The following GRK5 variants were observed in gnomAD, a reference collection of about 807,000 sequenced individuals.
GRK5 encodes g protein-coupled receptor kinase GRK5.
GRK5 carries 40 observed loss-of-function variants against 78.4 expected under a neutral mutation model. That is an observed-to-expected ratio of 0.51 (90% CI 0.40 to 0.66). The LOEUF (loss-of-function observed/expected upper bound fraction) is 0.66, where lower values mean the gene tolerates loss of function less well. Ranked by LOEUF, GRK5 falls within the 30% of genes least tolerant of loss-of-function variation. The pLI is 0.00. For missense variants in GRK5, 598 were observed against 759.9 expected, an observed-to-expected ratio of 0.79 and a Z score of 2.50; for synonymous variants, 289 against 296.8, an observed-to-expected ratio of 0.97 and a Z score of 0.27.
intron 4 of GRK5, among the ~76,000 whole-genome samples, chr10:119,400,314 C>A (rs1168249228): frequency 6.6e-6 from 1 of 152,156 alleles, no homozygotes; most frequent in Non-Finnish European, 1.5e-5. Context: ...TGAATCAGAT[C>A]TTAAAGGATG....
intron 1 of GRK5, among the ~76,000 whole-genome samples, chr10:119,297,554 A>C (rs764271348): frequency 6.6e-5 from 10 of 152,248 alleles, no homozygotes; most frequent in Admixed American, 2.6e-4. Flanking sequence ...GAACTGGTTA[A>C]GAGGTGATTA....
At position 119,453,586 on chromosome 10, in the gene GRK5, G is replaced by T. The variant is rs533337851; in HGVS notation, c.1674+310G>T. On this transcript the variant is annotated intron_variant, in intron 15 of 15. Transcript: ENST00000392870. ...CGTCCTGTGCATCGCAAGATGTGGG[G>T]CAGCAAGTTTGGCCTCCACCCACCA... Among the ~76,000 whole-genome samples, 6 of 152,282 alleles carry T rather than the reference G, an allele frequency of 3.9e-5. No individual in the cohort carries two copies. In the East Asian group the frequency reaches 1.2e-3, roughly 29 times the overall value.
intron 2 of GRK5, among the ~76,000 whole-genome samples, chr10:119,345,535 C>T (rs1204374464): frequency 6.6e-6 from 1 of 152,144 alleles, no homozygotes; most frequent in Non-Finnish European, 1.5e-5. Context: ...CTTCTTTGGT[C>T]CTCTGTTTCT....
rs140601659 is a variant in GRK5 at position 119,294,012 on chromosome 10, G to C, written c.53-32504G>C. 1.1e-3 allele frequency among the ~76,000 whole-genome samples: 167 copies of C among 152,174 alleles called. 2 individuals carry two copies. The highest frequency in any genetic ancestry group is 3.6e-3 in the African/African-American group (149 of 41,502). ...ACCCCCACCTCTGCTTTGTGGAGTT[G>C]GGGAAAAACAGAGACCCAGGAGCTG... is the stretch of plus-strand genomic sequence containing the variant. On this transcript the variant is annotated intron_variant, in intron 1 of 15. Coordinates refer to ENST00000392870, the MANE Select transcript of GRK5 (RefSeq NM_005308.3).
intron 4 of GRK5, among the ~76,000 whole-genome samples, chr10:119,410,717 AGTGAATTC>A (rs1281206973): frequency 6.6e-6 from 1 of 152,072 alleles, no homozygotes; most frequent in African/African-American, 2.4e-5. Flanking sequence ...CATTAGGAAA[AGTGAATTC>A]ATCCAGAGCT....
In GRK5 at chr10:119,253,332, T is replaced by A. The variant is rs930428028; in HGVS notation, c.52+45363T>A. On this transcript the variant is annotated intron_variant, in intron 1 of 15. Coordinates refer to ENST00000392870, the MANE Select transcript of GRK5 (RefSeq NM_005308.3). The surrounding 1 kb of genome is among the most constrained non-coding windows in gnomAD (Gnocchi z 5.7). ...GCATTAGAAAAGGAATTACATCAGG[T>A]CACTGATGTCTTCTCCTAACTCAGT... Among the ~76,000 whole-genome samples, 4 of 152,120 alleles carry A rather than the reference T, an allele frequency of 2.6e-5. No homozygotes were observed. Among genetic ancestry groups the A allele is most frequent in the African/African-American group, 9.7e-5 (4 of 41,410 alleles).
intron 1 of GRK5, among the ~76,000 whole-genome samples, chr10:119,219,524 G>A (rs1411585909): frequency 6.6e-6 from 1 of 152,204 alleles, no homozygotes; most frequent in Non-Finnish European, 1.5e-5. Flanking sequence ...CTGTATTTAT[G>A]TTATGTGATG....
chr10:119,365,535 T>G (rs542951930), intron 2 of GRK5, among the ~76,000 whole-genome samples: 1 of 152,248 alleles, frequency 6.6e-6, no homozygotes, highest in African/African-American at 2.4e-5. Context: ...CAGGCTTGGG[T>G]GGGACCCTTC....
intron 1 of GRK5, among the ~76,000 whole-genome samples, chr10:119,228,334 T>C (rs995134046): frequency 2.8e-5 from 4 of 141,242 alleles, no homozygotes; most frequent in African/African-American, 8.0e-5. Context: ...GACAAAGTGA[T>C]ACCCTGTCTC....
intron 1 of GRK5, among the ~76,000 whole-genome samples, chr10:119,301,580 C>T (rs1314345466): frequency 6.6e-6 from 1 of 152,170 alleles, no homozygotes; most frequent in Non-Finnish European, 1.5e-5. Context: ...CATCCGATGG[C>T]TGCTGAGGAA....
rs1851700446 is a variant in GRK5 at position 119,380,935 on chromosome 10, C to T, written c.261+8C>T. 6.4e-7 allele frequency: 1 copy of T among 1,556,384 alleles called. No individual in the cohort carries two copies. Among genetic ancestry groups the T allele is most frequent in the Non-Finnish European group, 8.9e-7 (1 of 1,127,900 alleles). On this transcript the variant is annotated splice_region_variant and intron_variant, in intron 3 of 15. Coordinates refer to ENST00000392870, the MANE Select transcript of GRK5 (RefSeq NM_005308.3). ...CAGTTCCTGGACTCCGTGGTAAGTT[C>T]CTGCTCCTGAGGGATGGTCCTGTGG...
chr10:119,214,849 A>G (rs1848545429), intron 1 of GRK5, among the ~76,000 whole-genome samples: 1 of 152,236 alleles, frequency 6.6e-6, no homozygotes, highest in Admixed American at 6.5e-5. Flanking sequence ...GTCTGTTCCT[A>G]GAAATGGAAA....
intron 2 of GRK5, among the ~76,000 whole-genome samples, chr10:119,358,629 G>T (rs774759562): frequency 6.6e-6 from 1 of 152,200 alleles, no homozygotes; most frequent in Admixed American, 6.5e-5. Flanking sequence ...CCATTTTAGA[G>T]ACCAGGAAAC....
intron 4 of GRK5, among the ~76,000 whole-genome samples, chr10:119,420,447 A>C (rs886687411): frequency 2.0e-5 from 3 of 151,932 alleles, no homozygotes; most frequent in Non-Finnish European, 4.4e-5. Flanking sequence ...ACCGAGAGGC[A>C]TAAGAACTTT....
In GRK5 at chr10:119,443,674, G is replaced by A. The variant is rs780183611; in HGVS notation, c.1188G>A (p.Glu396=). ...GCAAGGAGAAGGTGAAGCGGGAGGA[G>A]GTGGACCGCCGGGTCCTGGAGACGG... ...RGRKEKVKRE[E]VDRRVLETEE... Residue 396 remains glutamate (E), a synonymous_variant, in exon 12 of 16, where the codon GAG becomes GAA. Coordinates refer to ENST00000392870, the MANE Select transcript of GRK5 (RefSeq NM_005308.3). The A allele has an allele frequency of 1.2e-6, 2 of 1,613,574 alleles. No individual in the cohort carries two copies. Among genetic ancestry groups the A allele is most frequent in the South Asian group, 2.2e-5 (2 of 91,082 alleles).
rs1554918541 is a variant in GRK5, at chr10:119,408,363, A to AAAAAT, written c.339+11591_339+11592insAAAAT. Among the ~76,000 whole-genome samples the AAAAAT allele has an allele frequency of 3.6e-4, 51 of 141,874 alleles. 1 individual carries two copies. Among genetic ancestry groups the AAAAAT allele is most frequent in the African/African-American group, 6.3e-4 (24 of 38,128 alleles). The allele number at this position is 141,874 out of a possible 152,430, so 93.1% of individuals were successfully genotyped here. On this transcript the variant is annotated intron_variant, in intron 4 of 15. Coordinates refer to ENST00000392870, the MANE Select transcript of GRK5 (RefSeq NM_005308.3). ...TCTCAAAAAAAAAAAAAAAAAAAAAAGGCAGAAAACACAGATGCAAACAGA... is the reference window on the plus strand; with the variant it reads ...TCTCAAAAAAAAAAAAAAAAAAAAAAAAAATGGCAGAAAACACAGATGCAAACAGA...
At chr10:119,387,303 C>G (rs764272273) in intron 3 of GRK5, among the ~76,000 whole-genome samples, 8 of 152,182 alleles carry the variant, frequency 5.3e-5, no homozygotes, top group Non-Finnish European at 1.0e-4. Flanking sequence ...CGTGCCCGGC[C>G]TTCTGTGCAG....
At chr10:119,448,292 C>T (rs1257927625) in intron 13 of GRK5, 32 bp downstream of exon 13, 1 of 1,570,274 alleles carries the variant, frequency 6.4e-7, no homozygotes, top group African/African-American at 1.4e-5. Context: ...CCAGCAGCTC[C>T]CTTCACAGGG....
In GRK5 at chr10:119,431,366, G is replaced by C. The variant is rs545943145; in HGVS notation, c.598-21G>C. ...GCCTCCACGGTGCTCCTGCCACCCT[G>C]GTTTCTTTCTTGCACTGCAGGTCTG... On this transcript the variant is annotated intron_variant, in intron 7 of 15. Coordinates refer to ENST00000392870, the MANE Select transcript of GRK5 (RefSeq NM_005308.3). This position sits in a 1 kb window ranked among gnomAD's most constrained non-coding sequence, Gnocchi z 4.8. The C allele has an allele frequency of 3.1e-6, 5 of 1,605,872 alleles. No individual in the cohort carries two copies. The highest frequency in any genetic ancestry group is 4.3e-6 in the Non-Finnish European group (5 of 1,175,800).
Sources: allele counts gnomAD v4.1 joint callset (sites outside exome capture counted in the v4.1 genomes callset), GRCh38; gene constraint gnomAD v4.1.1; non-coding constraint Gnocchi (gnomAD v3.1); transcripts MANE v1.5; gene names NCBI Gene and HGNC (gene_info 2026-07-23, HGNC 2026-07-21).